The following PITRM1 variants were observed in gnomAD, a reference collection of about 807,000 sequenced individuals.
PITRM1 encodes the protein presequence protease, mitochondrial.
A neutral mutation model predicts 129.9 loss-of-function variants in PITRM1; 100 were observed. The ratio of observed to expected loss-of-function variants is 0.77; its 90% confidence interval spans 0.65 to 0.91. PITRM1 has a LOEUF of 0.91. PITRM1 is among the 40% of genes least tolerant of loss of function. PITRM1 has a pLI of 0.00. For synonymous variants in PITRM1, 591 were observed against 508.8 expected, an observed-to-expected ratio of 1.16 and a Z score of -2.17; for missense variants, 1,471 against 1,318.3, an observed-to-expected ratio of 1.12 and a Z score of -1.79.
chr10:3,141,853 G>C, intron 23 of PITRM1: 1 of 256,410 alleles, frequency 3.9e-6, no homozygotes, highest in Non-Finnish European at 8.2e-6. Flanking sequence ...TCCTCCAGGA[G>C]AAACCCAGCG....
At chr10:3,162,428 A>G (rs45448197) in intron 7 of PITRM1, among the ~76,000 whole-genome samples, 157 of 152,346 alleles carry the variant, frequency 1.0e-3, no homozygotes, top group Middle Eastern at 3.4e-3. Context: ...CTCAATGAAT[A>G]TGAAAACCAT....
At chr10:3,170,966 A>G (rs573840948) in intron 1 of PITRM1, among the ~76,000 whole-genome samples, 2 of 152,016 alleles carry the variant, frequency 1.3e-5, no homozygotes, top group African/African-American at 4.8e-5. Context: ...GTCGGAAAAA[A>G]AAGAAAAAAA....
intron 20 of PITRM1, chr10:3,146,353 G>GC (rs1817072603): frequency 6.6e-6 from 1 of 152,494 alleles, no homozygotes; most frequent in South Asian, 2.1e-4. Context: ...ATGCTGCCTT[G>GC]CAGATATTCT....
chr10:3,153,328 G>C (rs1841680837), intron 14 of PITRM1, among the ~76,000 whole-genome samples: 1 of 152,200 alleles, frequency 6.6e-6, no homozygotes, highest in Non-Finnish European at 1.5e-5. Context: ...GAATTATCTT[G>C]TGTAGTCATG....
At chr10:3,165,194 G>A in intron 6 of PITRM1, 44 bp downstream of exon 6, 2 of 1,315,792 alleles carry the variant, frequency 1.5e-6, no homozygotes, top group Non-Finnish European at 2.1e-6. Context: ...ATTGTACATG[G>A]GAAAGGTAAG....
At position 3,145,716 on chromosome 10, in the gene PITRM1, C is replaced by G; in HGVS notation, c.2337G>C (p.Arg779Ser). Residue 779 changes from arginine to serine, a missense_variant and splice_region_variant, in exon 21 of 27, where the codon AGG becomes AGC. Arg to Ser is a moderately radical substitution (Grantham distance 110). Transcript: ENST00000224949. ...GCTGAGGAGTCGCATTCACTGAACACCTGTTTGAAAAATTATGTATACATA... is the reference window on the plus strand; with the variant it reads ...GCTGAGGAGTCGCATTCACTGAACAGCTGTTTGAAAAATTATGTATACATA... ...KKHLLNGDNM[R>S]CSVNATPQQM... is the part of the protein sequence containing the mutation. The G allele has an allele frequency of 6.5e-7, 1 of 1,547,582 alleles. No individual in the cohort carries two copies. The highest frequency in any genetic ancestry group is 1.4e-5 in the African/African-American group (1 of 73,176).
intron 8 of PITRM1, 123 bp from the exon 9 acceptor site, chr10:3,160,059 C>T: frequency 2.4e-6 from 3 of 1,250,806 alleles, no homozygotes; most frequent in Non-Finnish European, 3.4e-6. Flanking sequence ...TCCTTTCAAA[C>T]AAATTACCAT....
chr10:3,160,404 G>A lies in PITRM1; in HGVS notation c.792-74C>T, dbSNP rs1274280809. The A allele has an allele frequency of 7.1e-6, 9 of 1,260,202 alleles. No homozygotes were observed. The Admixed American group carries it at 1.2e-4, about 17-fold the overall frequency. 78.1% of individuals were successfully genotyped at this position (1,260,202 alleles called of 1,614,324 possible). On this transcript the variant is annotated intron_variant, in intron 7 of 26. Transcript: ENST00000224949. ...GAGATCAAGTGCTGTCTGTTTCACT[G>A]AAACACAGCACAGGAGTGCCCCTTA...
At chr10:3,149,489 G>T in intron 16 of PITRM1, 132 bp downstream of exon 16, 1 of 900,336 alleles carries the variant, frequency 1.1e-6, no homozygotes, top group Non-Finnish European at 1.7e-6. Flanking sequence ...CCAATATATT[G>T]TACACCATAC....
chr10:3,148,209 C>T lies in PITRM1; in HGVS notation c.1954G>A (p.Val652Met), dbSNP rs759961600. ...TCCATGTGTGAGTCGTCGGGGAGCA[C>T]GTGGGGAGAAGCACTCATCCCTCCG... ...KTGGMSASPHVLPDDSHMDTY... is the reference protein window; with the variant it reads ...KTGGMSASPHMLPDDSHMDTY... Residue 652 changes from valine (V) to methionine (M), a missense_variant, in exon 17 of 27, where the codon GTG (valine) becomes ATG (methionine). Val to Met is a conservative substitution (Grantham distance 21). Transcript: ENST00000224949. 123 of 1,613,968 alleles carry T rather than the reference C, an allele frequency of 7.6e-5. No homozygotes were observed. Among genetic ancestry groups the T allele is most frequent in the Non-Finnish European group, 7.7e-5 (91 of 1,179,892 alleles).
Position 3,138,031 on chromosome 10 carries a change from TC to T in PITRM1, c.3113del (p.Ter1038=). 1 of 1,593,198 alleles carries T rather than the reference TC, an allele frequency of 6.3e-7. No homozygotes were observed. Among genetic ancestry groups the T allele is most frequent in the East Asian group, 2.2e-5 (1 of 44,452 alleles). On this transcript the variant is annotated frameshift_variant and stop_lost, in exon 27 of 27. Transcript: ENST00000224949. LOFTEE classifies it high-confidence loss of function. ...CTGTGCAGTCGAGCGCCACGGCTGC[TC>T]ATTGGATGATCCAGGATGGGTCCTT... ...IAKDPSWIIQ* is the reference protein window; with the variant it reads ...IAKDPSWIIQX
In PITRM1 at chr10:3,147,676, C is replaced by G. The variant is rs759740462; in HGVS notation, c.2131G>C (p.Ala711Pro). 1.9e-6 allele frequency: 3 copies of G among 1,613,482 alleles called. No homozygotes were observed. The African/African-American group carries it at 4.0e-5, about 22-fold the overall frequency. The change falls in exon 19 of 27, where the codon GCC becomes CCC. Residue 711 changes from alanine to proline, a missense_variant. Coordinates refer to ENST00000224949, the MANE Select transcript of PITRM1 (RefSeq NM_014889.4). ...TGCCCAGAGTCAGGAATTCCATTGG[C>G]GAGCTCCTGGGCGGTCATCTTCACC... ...VLVKMTAQELANGIPDSGHLY... is the reference protein window; with the variant it reads ...VLVKMTAQELPNGIPDSGHLY...
At position 3,144,354 on chromosome 10, in the gene PITRM1, T is replaced by C; in HGVS notation, c.2470A>G (p.Ser824Gly). 6.4e-7 allele frequency: 1 copy of C among 1,555,508 alleles called. No individual in the cohort carries two copies. Among genetic ancestry groups the C allele is most frequent in the Non-Finnish European group, 8.7e-7 (1 of 1,147,642 alleles). ...RPHTVEKPVPSSSGGDAHVPH... is the reference protein window; with the variant it reads ...RPHTVEKPVPGSSGGDAHVPH... ...ACGTGGGCATCTCCACCAGAGCTGC[T>C]GGGCACAGGTTTCTGAAAATCAAGT... Residue 824 changes from serine (S) to glycine (G), a missense_variant, in exon 22 of 27, where the codon AGC becomes GGC. Physicochemically the swap from Ser to Gly is moderately conservative, Grantham distance 56. Coordinates refer to ENST00000224949, the MANE Select transcript of PITRM1 (RefSeq NM_014889.4).
chr10:3,143,824 A>G (rs1416034279), intron 22 of PITRM1: 1 of 593,774 alleles, frequency 1.7e-6, no homozygotes, highest in Admixed American at 2.2e-5. Context: ...TCACAGTTAC[A>G]TATTTATATT....
At chr10:3,145,934 A>T in intron 20 of PITRM1, 1 of 541,896 alleles carries the variant, frequency 1.8e-6, no homozygotes, top group Non-Finnish European at 3.3e-6. Context: ...CAGCTAATGA[A>T]GCCGTCCATA....
intron 10 of PITRM1, among the ~76,000 whole-genome samples, chr10:3,158,491 A>T (rs1303785843): frequency 6.6e-6 from 1 of 152,158 alleles, no homozygotes; most frequent in Non-Finnish European, 1.5e-5. Context: ...TGGAGCTTGC[A>T]GTGAGCCGAG....
intron 10 of PITRM1, among the ~76,000 whole-genome samples, chr10:3,158,357 CTT>C (rs1842146922): frequency 6.6e-6 from 1 of 152,094 alleles, no homozygotes; most frequent in Non-Finnish European, 1.5e-5. Flanking sequence ...AAAATTTAAA[CTT>C]TTGAGTTATG....
chr10:3,138,487 C>T lies in PITRM1; in HGVS notation c.2918-150G>A, dbSNP rs886663407. ...GGGATGTGTCTAACAACCCAGAGAT[C>T]ACACCCCGACCTCCAGCTCCCACGT... On this transcript the variant is annotated intron_variant, in intron 25 of 26. Coordinates refer to ENST00000224949, the MANE Select transcript of PITRM1 (RefSeq NM_014889.4). The T allele has an allele frequency of 6.1e-6, 4 of 659,328 alleles. No individual in the cohort carries two copies. The Admixed American group carries it at 8.8e-5, about 15-fold the overall frequency. The allele number at this position is 659,328 out of a possible 1,614,324, so 40.8% of individuals were successfully genotyped here.
intron 12 of PITRM1, 135 bp from the exon 13 acceptor site, chr10:3,157,199 T>C: frequency 4.5e-6 from 4 of 885,472 alleles, no homozygotes; most frequent in Non-Finnish European, 6.6e-6. Flanking sequence ...ACAAAAGTCA[T>C]GTAATTCTTT....
Sources: gnomAD v4.1 joint callset for allele counts (sites outside exome capture counted in the v4.1 genomes callset) on GRCh38, gnomAD v4.1.1 for gene constraint, MANE v1.5 for transcripts, NCBI Gene and HGNC (gene_info 2026-07-23, HGNC 2026-07-21) for gene names.